ETV7: variants seen among roughly 807,000 people sequenced by gnomAD.
ETV7 encodes the protein ETS variant transcription factor 7.
ETV7 carries 43 observed loss-of-function variants against 39.1 expected under a neutral mutation model. That is an observed-to-expected ratio of 1.10 (90% CI 0.86 to 1.42). ETV7 has a LOEUF of 1.42. ETV7 is among the 40% of genes most tolerant of loss of function. The pLI, the probability that ETV7 is intolerant of heterozygous loss-of-function variation, is 0.00. For missense variants in ETV7, 432 were observed against 442.3 expected (o/e 0.98, Z 0.21); for synonymous variants, 196 against 176.6 (o/e 1.11, Z -0.87).
At chr6:36,371,594 G>C in intron 4 of ETV7, 34 bp from the exon 5 acceptor site, 1 of 1,532,844 alleles carries the variant, frequency 6.5e-7, no homozygotes, top group Non-Finnish European at 8.8e-7. Flanking sequence ...GTAGCAGGCA[G>C]TGGGCCCCAA....
At chr6:36,358,573 TCA>T (rs1176958864) in intron 7 of ETV7, among the ~76,000 whole-genome samples, 1 of 152,242 alleles carries the variant, frequency 6.6e-6, no homozygotes, top group Admixed American at 6.5e-5. Flanking sequence ...CCCCTGATGT[TCA>T]GTTTCCCCAT....
intron 2 of ETV7, among the ~76,000 whole-genome samples, chr6:36,378,256 A>AAC (rs1773476450): frequency 1.3e-5 from 2 of 151,074 alleles, no homozygotes; most frequent in African/African-American, 4.9e-5. Flanking sequence ...AAAAAAAAAA[A>AAC]CCTGACTCTC....
Position 36,377,759 on chromosome 6 carries a change from G to A in ETV7, c.143-1724C>T, listed in dbSNP as rs950164584. Among the ~76,000 whole-genome samples, 6 of 152,136 alleles carry A rather than the reference G, an allele frequency of 3.9e-5. No homozygotes were observed. In the East Asian group the frequency reaches 1.2e-3, roughly 29 times the overall value. ...TGTGTCAGTCACTGTGCAGGGCTAGGGACACGGCACAGAACCAGGCTGGCA... is the reference window on the plus strand; with the variant it reads ...TGTGTCAGTCACTGTGCAGGGCTAGAGACACGGCACAGAACCAGGCTGGCA... On this transcript the variant is annotated intron_variant, in intron 2 of 7. Coordinates refer to ENST00000340181, the MANE Select transcript of ETV7 (RefSeq NM_016135.4).
intron 2 of ETV7, among the ~76,000 whole-genome samples, chr6:36,382,357 C>A (rs571644368): frequency 2.0e-5 from 3 of 152,102 alleles, no homozygotes; most frequent in Non-Finnish European, 4.4e-5. Flanking sequence ...TAAGTCTTGA[C>A]CAGCACTTTG....
downstream of ETV7, among the ~76,000 whole-genome samples, chr6:36,363,564 G>A (rs1055152164): frequency 9.9e-5 from 15 of 152,238 alleles, no homozygotes; most frequent in African/African-American, 3.1e-4. Flanking sequence ...AAGCAGCGTG[G>A]ACCCAAAGAG....
chr6:36,375,083 A>C (rs1482412133), intron 3 of ETV7, among the ~76,000 whole-genome samples: 1 of 151,124 alleles, frequency 6.6e-6, no homozygotes, highest in East Asian at 1.9e-4. Flanking sequence ...AAAAAAAAAA[A>C]AGAACTTGGG....
Position 36,379,376 on chromosome 6 carries a change from T to C in ETV7, c.143-3341A>G, listed in dbSNP as rs564365543. Among the ~76,000 whole-genome samples, 371 of 151,922 alleles carry C rather than the reference T, an allele frequency of 2.4e-3. 1 individual carries two copies. The highest frequency in any genetic ancestry group is 7.7e-3 in the African/African-American group (317 of 41,404). On this transcript the variant is annotated intron_variant, in intron 2 of 7. Coordinates refer to ENST00000340181, the MANE Select transcript of ETV7 (RefSeq NM_016135.4). ...TGGACAACATAGTTAGACCCTTGAC[T>C]CTACAAACAAAAAAATTTTTTTTAA...
Position 36,368,923 on chromosome 6 carries a change from G to C in ETV7, c.807+6C>G, listed in dbSNP as rs1312075245. ...TGTTGAGACCATTCTGCTGGCCGAG[G>C]CTCACCTTGTGATTTCCCCAGAGTC... On this transcript the variant is annotated splice_donor_region_variant and intron_variant, in intron 6 of 7. Transcript: ENST00000340181. 7 of 1,613,972 alleles carry C rather than the reference G, an allele frequency of 4.3e-6. No individual in the cohort carries two copies. Among genetic ancestry groups the C allele is most frequent in the Admixed American group, 1.7e-5 (1 of 59,998 alleles).
At chr6:36,377,119 C>T (rs751713384) in intron 2 of ETV7, among the ~76,000 whole-genome samples, 5 of 152,190 alleles carry the variant, frequency 3.3e-5, no homozygotes, top group Middle Eastern at 3.2e-3. Context: ...AGCAGGGCTA[C>T]GTTACGACTT....
chr6:36,356,126 A>G (rs1772329042), intron 7 of ETV7, among the ~76,000 whole-genome samples: 1 of 152,190 alleles, frequency 6.6e-6, no homozygotes, highest in Non-Finnish European at 1.5e-5. Flanking sequence ...AATTGAAGCA[A>G]TTACAGCTAT....
intron 4 of ETV7, among the ~76,000 whole-genome samples, chr6:36,372,440 C>T (rs1054485228): frequency 1.3e-5 from 2 of 152,020 alleles, no homozygotes; most frequent in Non-Finnish European, 2.9e-5. Flanking sequence ...CGTGACCTGA[C>T]TTCTGAAACT....
chr6:36,370,407 C>T (rs189612400), intron 5 of ETV7, among the ~76,000 whole-genome samples: 164 of 151,976 alleles, frequency 1.1e-3, no homozygotes, highest in Non-Finnish European at 1.7e-3. Flanking sequence ...TGGTGGTGGG[C>T]GCCTGTAATC....
chr6:36,357,452 G>A (rs1772369921), intron 7 of ETV7, among the ~76,000 whole-genome samples: 1 of 152,208 alleles, frequency 6.6e-6, no homozygotes, highest in Non-Finnish European at 1.5e-5. Context: ...CACAGAGCAG[G>A]ATGAAGAGGG....
At position 36,367,268 on chromosome 6, in the gene ETV7, C is replaced by A. The variant is rs371629925; in HGVS notation, c.808-293G>T. ...GACCAGCCTGGCCAACATGGTGAAACCCTGTCTCTACTAAAAATACAAAAA... is the reference window on the plus strand; with the variant it reads ...GACCAGCCTGGCCAACATGGTGAAAACCTGTCTCTACTAAAAATACAAAAA... On this transcript the variant is annotated intron_variant, in intron 6 of 7. Coordinates refer to ENST00000340181, the MANE Select transcript of ETV7 (RefSeq NM_016135.4). 5.3e-5 allele frequency among the ~76,000 whole-genome samples: 8 copies of A among 152,220 alleles called. No individual in the cohort carries two copies. The South Asian group carries it at 8.3e-4, about 16-fold the overall frequency.
In ETV7 at chr6:36,369,376, C is replaced by T. The variant is rs76921529; in HGVS notation, c.665-305G>A. On this transcript the variant is annotated intron_variant, in intron 5 of 7. Transcript: ENST00000340181. Reference sequence around the variant, plus strand: ...TGGCAGGTAGAGCAGGGAGTCTGACCGGCTCCACCCAGCATCAGAGCCATG... The same window carrying T: ...TGGCAGGTAGAGCAGGGAGTCTGACTGGCTCCACCCAGCATCAGAGCCATG... Among the ~76,000 whole-genome samples, 868 of 152,240 alleles carry T rather than the reference C, an allele frequency of 5.7e-3. 4 individuals carry two copies. The highest frequency in any genetic ancestry group is 0.019 in the African/African-American group (809 of 41,532).
chr6:36,379,515 T>C (rs1773542064), intron 2 of ETV7, among the ~76,000 whole-genome samples: 1 of 149,312 alleles, frequency 6.7e-6, no homozygotes, highest in African/African-American at 2.5e-5. Flanking sequence ...GCCACTGCAC[T>C]CCAGCCTGGG....
Position 36,373,552 on chromosome 6 carries a change from ACTGGAGCAG to A in ETV7, c.325_333del (p.Leu109_Gln111del). The A allele has an allele frequency of 7.1e-7, 1 of 1,402,326 alleles. No homozygotes were observed. Among genetic ancestry groups the A allele is most frequent in the African/African-American group, 1.5e-5 (1 of 66,932 alleles). 86.9% of individuals were successfully genotyped at this position (1,402,326 alleles called of 1,614,324 possible). A position where few individuals can be genotyped will look rare whatever the true frequency, so the allele number is the denominator to read the frequency against. ...AGGGCTCGCCGCTGGGTCTTGATGT[ACTGGAGCAG>A]CTCATACAGGACGTCACCTGGAGGT... is the stretch of plus-strand genomic sequence containing the variant. On this transcript the variant is annotated inframe_deletion, in exon 4 of 8. Coordinates refer to ENST00000340181, the MANE Select transcript of ETV7 (RefSeq NM_016135.4).
At chr6:36,371,732 A>T (rs1773037864) in intron 4 of ETV7, among the ~76,000 whole-genome samples, 172 bp from the exon 5 acceptor site, 1 of 152,240 alleles carries the variant, frequency 6.6e-6, no homozygotes, top group Admixed American at 6.5e-5. Flanking sequence ...GGTGAGGGCC[A>T]GACAGCCTAA....
chr6:36,355,754 A>G (rs1455364264), intron 7 of ETV7, among the ~76,000 whole-genome samples: 4 of 152,218 alleles, frequency 2.6e-5, no homozygotes, highest in African/African-American at 9.6e-5. Flanking sequence ...AACTAGAATC[A>G]TATCTAAATA....
Sources: allele counts gnomAD v4.1 joint callset (sites outside exome capture counted in the v4.1 genomes callset), GRCh38; gene constraint gnomAD v4.1.1; transcripts MANE v1.5; gene names NCBI Gene and HGNC (gene_info 2026-07-23, HGNC 2026-07-21).